Variants in CAPS2 observed in about 807,000 individuals in gnomAD.
CAPS2 encodes the protein calcyphosine 2.
In CAPS2, 98 loss-of-function variants were observed where a neutral mutation model predicts 86.5. The observed-to-expected ratio is 1.13, with a 90% CI of 0.96 to 1.34. The LOEUF (loss-of-function observed/expected upper bound fraction) is 1.34. Among genes scored for constraint, CAPS2 ranks in the 40% most tolerant of loss-of-function variants. The pLI is 0.00. For synonymous variants in CAPS2, 210 were observed against 225.1 expected (o/e 0.93, Z 0.60); for missense variants, 729 against 686.8 (o/e 1.06, Z -0.69).
chr12:75,382,846 T>C (rs945443201), intron 1 of CAPS2, among the ~76,000 whole-genome samples: 1 of 152,150 alleles, frequency 6.6e-6, no homozygotes, highest in Non-Finnish European at 1.5e-5. Context: ...AAAAAGTATA[T>C]AAGTAGCAGA....
chr12:75,363,051 A>T, intron 1 of CAPS2: 1 of 948,420 alleles, frequency 1.1e-6, no homozygotes, highest in Non-Finnish European at 1.6e-6. Flanking sequence ...CATGAACAAA[A>T]TTGGAGAAAT....
intron 1 of CAPS2, among the ~76,000 whole-genome samples, chr12:75,354,172 G>A (rs963318395): frequency 5.5e-5 from 8 of 145,362 alleles, no homozygotes; most frequent in Non-Finnish European, 9.0e-5. Context: ...AAAAAGGGGG[G>A]GGGGTATTCA....
chr12:75,387,100 C>T (rs188687537), intron 1 of CAPS2, among the ~76,000 whole-genome samples: 71 of 152,220 alleles, frequency 4.7e-4, no homozygotes, highest in Admixed American at 3.5e-3. Context: ...CAGCAAAAGA[C>T]ATTCTCAAGA....
At chr12:75,301,433 T>A (rs972766307) in intron 8 of CAPS2, among the ~76,000 whole-genome samples, 2 of 152,212 alleles carry the variant, frequency 1.3e-5, no homozygotes, top group African/African-American at 4.8e-5. Context: ...ATGTGTTTAT[T>A]GAATGCCCAC....
At chr12:75,276,125 C>T, downstream of CAPS2, 1 of 1,406,046 alleles carries the variant, frequency 7.1e-7, no homozygotes, top group Non-Finnish European at 9.4e-7. Flanking sequence ...CATGTCCACC[C>T]TGCAGATTGT....
chr12:75,284,918 TC>T, intron 15 of CAPS2, 42 bp downstream of exon 15: 1 of 1,513,932 alleles, frequency 6.6e-7, no homozygotes, highest in Non-Finnish European at 9.0e-7. Flanking sequence ...AACCTAACAA[TC>T]TATTAAAAAT....
At chr12:75,388,132 C>T (rs2045386093) in intron 1 of CAPS2, among the ~76,000 whole-genome samples, 1 of 152,100 alleles carries the variant, frequency 6.6e-6, no homozygotes, top group African/African-American at 2.4e-5. Context: ...CCGTGCTGTT[C>T]TCATGGTAAT....
chr12:75,337,449 G>A lies in CAPS2; in HGVS notation c.-394-14227C>T, dbSNP rs377114571. Among the ~76,000 whole-genome samples the A allele has an allele frequency of 7.2e-5, 11 of 151,870 alleles. No homozygotes were observed. In the East Asian group the frequency reaches 1.5e-3, roughly 21 times the overall value. ...TCCACACATTAAATGGATAGATAGA[G>A]AATATTTTGAACAAATTTATACTAA... On this transcript the variant is annotated intron_variant, in intron 1 of 5. Transcript: ENST00000551829.
chr12:75,365,580 T>C (rs1481155814), intron 1 of CAPS2, among the ~76,000 whole-genome samples: 1 of 152,146 alleles, frequency 6.6e-6, no homozygotes, highest in African/African-American at 2.4e-5. Context: ...ATTTTTTAAG[T>C]TGGATGTTGC....
At chr12:75,378,222 C>T (rs2044764899) in intron 1 of CAPS2, among the ~76,000 whole-genome samples, 1 of 152,144 alleles carries the variant, frequency 6.6e-6, no homozygotes, top group Non-Finnish European at 1.5e-5. Context: ...TGGTCTTGAA[C>T]TCCTAAGCTC....
chr12:75,378,122 C>T (rs1186372074), intron 1 of CAPS2, among the ~76,000 whole-genome samples: 1 of 151,908 alleles, frequency 6.6e-6, no homozygotes, highest in African/African-American at 2.4e-5. Flanking sequence ...CTCAGCCTCC[C>T]GAGTAGCTGG....
At position 75,350,335 on chromosome 12, in the gene CAPS2, C is replaced by G. The variant is rs565343492; in HGVS notation, c.-394-27113G>C. Reference sequence around the variant, plus strand: ...GCAAGCTCTGAGGAGTCTGGGTAGTCTGGACAAGGGAAATTCCTGCTTATT... The same window carrying G: ...GCAAGCTCTGAGGAGTCTGGGTAGTGTGGACAAGGGAAATTCCTGCTTATT... On this transcript the variant is annotated intron_variant, in intron 1 of 5. Coordinates refer to the CAPS2 transcript ENST00000551829. Among the ~76,000 whole-genome samples, 6 of 152,318 alleles carry G rather than the reference C, an allele frequency of 3.9e-5. No individual in the cohort carries two copies. In the South Asian group the frequency reaches 1.0e-3, roughly 26 times the overall value.
intron 1 of CAPS2, among the ~76,000 whole-genome samples, chr12:75,358,810 ATG>A (rs984551304): frequency 7.6e-5 from 11 of 144,440 alleles, no homozygotes; most frequent in Non-Finnish European, 1.7e-4. Flanking sequence ...TATATTATAT[ATG>A]TTTAAATATA....
At chr12:75,318,717 A>G (rs1238089307) in intron 5 of CAPS2, among the ~76,000 whole-genome samples, 4 of 151,350 alleles carry the variant, frequency 2.6e-5, no homozygotes, top group African/African-American at 4.9e-5. Flanking sequence ...CACACTTTTC[A>G]CCATGTGTCA....
chr12:75,339,010 G>C (rs753786015), intron 1 of CAPS2, among the ~76,000 whole-genome samples: 2 of 152,138 alleles, frequency 1.3e-5, no homozygotes, highest in Non-Finnish European at 2.9e-5. Flanking sequence ...TCACTGATGG[G>C]CATTTGGGTT....
intron 1 of CAPS2, among the ~76,000 whole-genome samples, chr12:75,336,291 G>C (rs1395453291): frequency 6.6e-6 from 1 of 151,700 alleles, no homozygotes; most frequent in East Asian, 1.9e-4. Context: ...AGGAACAAAA[G>C]AACAAAGAGG....
intron 14 of CAPS2, among the ~76,000 whole-genome samples, chr12:75,285,654 CTTTAA>C (rs2138132827): frequency 6.6e-6 from 1 of 151,946 alleles, no homozygotes; most frequent in Admixed American, 6.6e-5. Flanking sequence ...ATCTTTTCAA[CTTTAA>C]TTTATTTCTA....
chr12:75,382,687 T>C (rs1428401673), intron 1 of CAPS2, among the ~76,000 whole-genome samples: 2 of 151,806 alleles, frequency 1.3e-5, no homozygotes, highest in African/African-American at 4.8e-5. Flanking sequence ...AAGTGCAGTG[T>C]ACAAGTGTAC....
intron 1 of CAPS2, among the ~76,000 whole-genome samples, chr12:75,367,173 G>T (rs1212273133): frequency 1.3e-5 from 2 of 151,578 alleles, no homozygotes; most frequent in African/African-American, 4.8e-5. Flanking sequence ...AAAGGCGGGG[G>T]GTTCTCCTTG....
Sources: allele counts gnomAD v4.1 joint callset (sites outside exome capture counted in the v4.1 genomes callset), GRCh38; gene constraint gnomAD v4.1.1; transcripts MANE v1.5; gene names NCBI Gene and HGNC (gene_info 2026-07-23, HGNC 2026-07-21).